The following SLC24A4 variants were observed in gnomAD, a reference collection of about 807,000 sequenced individuals.
SLC24A4 encodes sodium/potassium/calcium exchanger 4.
In SLC24A4, 53 loss-of-function variants were observed where a neutral mutation model predicts 79.0. The observed-to-expected ratio is 0.67, with a 90% CI of 0.54 to 0.84. SLC24A4 has a LOEUF of 0.84. SLC24A4 is among the 40% of genes least tolerant of loss of function. The pLI, the probability that SLC24A4 is intolerant of heterozygous loss-of-function variation, is 0.00. For missense variants in SLC24A4, 731 were observed against 822.0 expected, an observed-to-expected ratio of 0.89 and a Z score of 1.35; for synonymous variants, 323 against 323.8, an observed-to-expected ratio of 1.00 and a Z score of 0.03.
chr14:92,367,595 T>C (rs1358743480), intron 2 of SLC24A4, among the ~76,000 whole-genome samples: 1 of 152,170 alleles, frequency 6.6e-6, no homozygotes, highest in East Asian at 1.9e-4. Flanking sequence ...TGGCCCTCCA[T>C]ACAAGAAACA....
At chr14:92,434,064 C>T (rs1038227869) in intron 3 of SLC24A4, 76 bp downstream of exon 3, 15 of 1,137,494 alleles carry the variant, frequency 1.3e-5, no homozygotes, top group East Asian at 2.3e-5. Context: ...AGAGCCGTGG[C>T]GTGTCTGAGA....
intron 14 of SLC24A4, among the ~76,000 whole-genome samples, chr14:92,491,346 A>G (rs1291009963): frequency 6.6e-6 from 1 of 152,158 alleles, no homozygotes; most frequent in Non-Finnish European, 1.5e-5. Context: ...ATCCAGTCAT[A>G]TTGGATTAAG....
intron 8 of SLC24A4, among the ~76,000 whole-genome samples, 179 bp downstream of exon 8, chr14:92,445,521 GA>G (rs1370433893): frequency 6.6e-6 from 1 of 152,160 alleles, no homozygotes; most frequent in Admixed American, 6.5e-5. Flanking sequence ...GTCAAAGTGA[GA>G]AAAATTGTTT....
In SLC24A4 at chr14:92,443,399, G is replaced by T; in HGVS notation, c.583-1G>T. The T allele has an allele frequency of 6.2e-7, 1 of 1,614,136 alleles. No individual in the cohort carries two copies. On this transcript the variant is annotated splice_acceptor_variant, in intron 6 of 16. Coordinates refer to ENST00000532405, the MANE Select transcript of SLC24A4 (RefSeq NM_153646.4). LOFTEE classifies it high-confidence loss of function. ...AGCCAACGACGGGGCTCTGCTGGCA[G>T]GTGGTCCGTCTGACGTGGTGGGCCG...
At chr14:92,349,804 T>G (rs1251157755) in intron 2 of SLC24A4, among the ~76,000 whole-genome samples, 1 of 152,240 alleles carries the variant, frequency 6.6e-6, no homozygotes, top group East Asian at 1.9e-4. Flanking sequence ...TTTTAATGAC[T>G]TGCTTTTTCA....
At chr14:92,345,940 A>G (rs1288845516) in intron 2 of SLC24A4, among the ~76,000 whole-genome samples, 2 of 152,144 alleles carry the variant, frequency 1.3e-5, no homozygotes, top group Non-Finnish European at 2.9e-5. Flanking sequence ...ATTGTGAGGA[A>G]AATAAATAGT....
At chr14:92,368,779 G>A (rs1057398729) in intron 2 of SLC24A4, among the ~76,000 whole-genome samples, 10 of 152,238 alleles carry the variant, frequency 6.6e-5, no homozygotes, top group East Asian at 1.9e-4. Context: ...CCTTCCCCTC[G>A]TCTAGGCAGC....
chr14:92,337,774 G>T (rs1320570828), intron 2 of SLC24A4, among the ~76,000 whole-genome samples: 1 of 152,158 alleles, frequency 6.6e-6, no homozygotes, highest in Non-Finnish European at 1.5e-5. Context: ...ATTATCTCAG[G>T]GTTCTGAGCG....
At chr14:92,347,219 G>A (rs1490982140) in intron 2 of SLC24A4, among the ~76,000 whole-genome samples, 2 of 152,156 alleles carry the variant, frequency 1.3e-5, no homozygotes, top group Non-Finnish European at 2.9e-5. Context: ...CAAAGGAATT[G>A]GTGTAATACA....
At chr14:92,413,612 T>G (rs1209271680) in intron 2 of SLC24A4, among the ~76,000 whole-genome samples, 1 of 152,214 alleles carries the variant, frequency 6.6e-6, no homozygotes, top group Non-Finnish European at 1.5e-5. Context: ...TTTATCCATA[T>G]TCCCTTGCAG....
At chr14:92,377,808 G>C (rs893432062) in intron 2 of SLC24A4, among the ~76,000 whole-genome samples, 6 of 152,192 alleles carry the variant, frequency 3.9e-5, no homozygotes, top group African/African-American at 9.7e-5. Flanking sequence ...TGGAGAAAGG[G>C]ATAGATCTGT....
chr14:92,399,848 A>G (rs1426609878), intron 2 of SLC24A4, among the ~76,000 whole-genome samples: 5 of 152,126 alleles, frequency 3.3e-5, no homozygotes, highest in Non-Finnish European at 2.9e-5. Flanking sequence ...TTGTTTGAGC[A>G]TTGGAGGGTG....
At chr14:92,351,238 A>G (rs551087215) in intron 2 of SLC24A4, among the ~76,000 whole-genome samples, 62 of 123,894 alleles carry the variant, frequency 5.0e-4, no homozygotes, top group South Asian at 3.4e-3. Context: ...ACATACACGC[A>G]CACACACACA....
intron 1 of SLC24A4, among the ~76,000 whole-genome samples, chr14:92,324,570 T>C (rs1183053063): frequency 1.3e-5 from 2 of 152,064 alleles, no homozygotes; most frequent in African/African-American, 4.8e-5. Context: ...GAAGAGGGAT[T>C]TGGGAGTAGC....
At chr14:92,484,547 T>A (rs1289372773) in intron 13 of SLC24A4, 1 of 985,416 alleles carries the variant, frequency 1.0e-6, no homozygotes, top group African/African-American at 1.7e-5. Context: ...TCTGTGATTG[T>A]GTTTTAGTGA....
intron 10 of SLC24A4, chr14:92,450,712 A>G (rs969708213): frequency 6.6e-6 from 1 of 152,330 alleles, no homozygotes; most frequent in Non-Finnish European, 1.5e-5. Context: ...CCTGTCGTAT[A>G]TATGGTGCTT....
At chr14:92,483,702 T>A (rs923463846) in intron 13 of SLC24A4, 1 of 1,238,624 alleles carries the variant, frequency 8.1e-7, no homozygotes, top group Non-Finnish European at 1.1e-6. Context: ...CCTAATGGGG[T>A]CCCTTCTTCT....
intron 2 of SLC24A4, among the ~76,000 whole-genome samples, chr14:92,396,144 G>A (rs1037571766): frequency 1.3e-5 from 2 of 152,182 alleles, no homozygotes; most frequent in African/African-American, 4.8e-5. Flanking sequence ...TTTAATTGCT[G>A]CTCTTCTTGC....
intron 7 of SLC24A4, 111 bp downstream of exon 7, chr14:92,443,585 C>T: frequency 2.7e-6 from 3 of 1,096,010 alleles, no homozygotes; most frequent in South Asian, 2.7e-5. Flanking sequence ...TCACAGCACA[C>T]AATAGTGGGG....
Sources: gnomAD v4.1 joint callset for allele counts (sites outside exome capture counted in the v4.1 genomes callset) on GRCh38, gnomAD v4.1.1 for gene constraint, MANE v1.5 for transcripts, NCBI Gene and HGNC (gene_info 2026-07-23, HGNC 2026-07-21) for gene names.